TMEM260: variants seen among roughly 807,000 people sequenced by gnomAD.
The protein encoded by TMEM260 is transmembrane protein 260, also known as protein O-mannosyl-transferase TMEM260.
TMEM260 carries 82 observed loss-of-function variants against 88.9 expected under a neutral mutation model. That is an observed-to-expected ratio of 0.92 (90% CI 0.77 to 1.11). The LOEUF is 1.11. TMEM260 is among the 50% of genes least tolerant of loss of function. TMEM260 has a pLI of 0.00. For synonymous variants in TMEM260, 314 were observed against 309.3 expected, an observed-to-expected ratio of 1.02 and a Z score of -0.16; for missense variants, 902 against 853.4, an observed-to-expected ratio of 1.06 and a Z score of -0.71.
At position 56,648,904 on chromosome 14, in the gene TMEM260, C is replaced by G. The variant is rs2297094; in HGVS notation, c.*1407C>G. The G allele has an allele frequency of 0.03, 4,612 of 152,590 alleles. 153 individuals are homozygous for G. Among genetic ancestry groups the G allele is most frequent in the East Asian group, 0.16 (812 of 5,164 alleles). 9.5% of individuals were successfully genotyped at this position (152,590 alleles called of 1,614,324 possible). ...TTGACAGGGCCTTGACTGCACAATT[C>G]GAGCTGAATTTGCCCCTTGTCAGCT... On this transcript the variant is annotated 3_prime_UTR_variant, in exon 16 of 16. Coordinates refer to ENST00000261556, the MANE Select transcript of TMEM260 (RefSeq NM_017799.4).
At chr14:56,599,773 CAG>C (rs1886456786) in intron 3 of TMEM260, among the ~76,000 whole-genome samples, 1 of 152,120 alleles carries the variant, frequency 6.6e-6, no homozygotes, top group African/African-American at 2.4e-5. Context: ...TCTTTGGAAA[CAG>C]AATCAATTAA....
rs777336375 is a variant in TMEM260 at position 56,615,976 on chromosome 14, C to G, written c.890C>G (p.Ser297Ter). The change falls in exon 8 of 16, where the codon TCA becomes TGA. Residue 297 changes from serine (S) to a stop codon, truncating the protein, a stop_gained. Transcript: ENST00000261556. LOFTEE classifies it high-confidence loss of function. ...SQVTNMRTEL[S>*]FNIQALAVCA... ...GTAACAAATATGAGGACCGAACTCT[C>G]ATTCAACATCCAAGCCCTTGCAGTT... is the stretch of plus-strand genomic sequence containing the variant. 2.5e-6 allele frequency: 4 copies of G among 1,613,296 alleles called. No homozygotes were observed. In the South Asian group the frequency reaches 4.4e-5, roughly 18 times the overall value.
At chr14:56,608,832 G>T (rs1257568510) in intron 5 of TMEM260, among the ~76,000 whole-genome samples, 1 of 152,168 alleles carries the variant, frequency 6.6e-6, no homozygotes, top group East Asian at 1.9e-4. Context: ...TTAAATGTAA[G>T]TGATGCAATA....
At chr14:56,608,384 A>G (rs1887045419) in intron 5 of TMEM260, among the ~76,000 whole-genome samples, 1 of 152,226 alleles carries the variant, frequency 6.6e-6, no homozygotes, top group South Asian at 2.1e-4. Context: ...AATATATCAG[A>G]ATTCATATTA....
At chr14:56,622,574 C>CAAAA (rs2139601305) in intron 11 of TMEM260, among the ~76,000 whole-genome samples, 1 of 151,808 alleles carries the variant, frequency 6.6e-6, no homozygotes, top group South Asian at 2.1e-4. Context: ...TAAGAGAGGA[C>CAAAA]TTGTGAAAAT....
intron 3 of TMEM260, among the ~76,000 whole-genome samples, chr14:56,596,794 A>AAAAAATGT (rs59623466): frequency 7.3e-6 from 1 of 136,298 alleles, no homozygotes; most frequent in African/African-American, 2.8e-5. Context: ...TAAAAAAAAA[A>AAAAAATGT]ATATATATAT....
rs35019348 is a variant in TMEM260, at chr14:56,613,895, C to CAAAAAAAAAAAAAAAAAAAA, written c.857+1625_857+1626insAAAAAAAAAAAAAAAAAAAA. 8 of 133,196 alleles carry CAAAAAAAAAAAAAAAAAAAA rather than the reference C, an allele frequency of 6.0e-5. No individual in the cohort carries two copies. The East Asian group carries it at 2.1e-3, about 34-fold the overall frequency. 8.3% of individuals were successfully genotyped at this position (133,196 alleles called of 1,614,324 possible). A position where few individuals can be genotyped will look rare whatever the true frequency, so the allele number is the denominator to read the frequency against. ...GGCAACATAGTGAGACCCGTCTCTG[C>CAAAAAAAAAAAAAAAAAAAA]AAAAAAAAAAAAAAATTTTTTTTTT... On this transcript the variant is annotated intron_variant, in intron 7 of 15. Coordinates refer to ENST00000261556, the MANE Select transcript of TMEM260 (RefSeq NM_017799.4).
At chr14:56,634,802 A>T (rs1888901913) in intron 13 of TMEM260, 97 bp from the exon 14 acceptor site, 2 of 1,061,692 alleles carry the variant, frequency 1.9e-6, no homozygotes, top group East Asian at 4.8e-5. Flanking sequence ...AGATCGCACC[A>T]TTGCATTCCA....
chr14:56,604,242 CCT>C lies in TMEM260; in HGVS notation c.522+251_522+252del, dbSNP rs369907468. Among the ~76,000 whole-genome samples, 647 of 151,936 alleles carry C rather than the reference CCT, an allele frequency of 4.3e-3. 6 individuals carry two copies. The highest frequency in any genetic ancestry group is 0.015 in the African/African-American group (629 of 41,450). On this transcript the variant is annotated intron_variant, in intron 4 of 15. Transcript: ENST00000261556. Reference sequence around the variant, plus strand: ...GGAGAATTAGAGGATTATAAAATCCCCTGTGTGTCCGGTGGGAAAGATAGGCT... The same window carrying C: ...GGAGAATTAGAGGATTATAAAATCCCGTGTGTCCGGTGGGAAAGATAGGCT...
chr14:56,582,964 A>G lies in TMEM260; in HGVS notation c.161-2037A>G, dbSNP rs145117955. On this transcript the variant is annotated intron_variant, in intron 1 of 15. Coordinates refer to ENST00000261556, the MANE Select transcript of TMEM260 (RefSeq NM_017799.4). ...TCTTTATAGCAGCAGAAGTCTGGCAAATAATAACAGCACACTGACTTTTCC... is the reference window on the plus strand; with the variant it reads ...TCTTTATAGCAGCAGAAGTCTGGCAGATAATAACAGCACACTGACTTTTCC... Among the ~76,000 whole-genome samples, 1,009 of 152,308 alleles carry G rather than the reference A, an allele frequency of 6.6e-3. 2 individuals carry two copies. Among genetic ancestry groups the G allele is most frequent in the Non-Finnish European group, 0.011 (750 of 68,018 alleles).
chr14:56,627,444 T>C (rs1479136720), intron 12 of TMEM260, among the ~76,000 whole-genome samples: 4 of 152,182 alleles, frequency 2.6e-5, no homozygotes, highest in Non-Finnish European at 5.9e-5. Context: ...ACATGTACTG[T>C]AATTTAAAAA....
At chr14:56,660,182 T>TA in the TMEM260 span, among the ~76,000 whole-genome samples, 1 of 152,202 alleles carries the variant, frequency 6.6e-6, no homozygotes, top group Non-Finnish European at 1.5e-5. Context: ...GTTGGTGACT[T>TA]AGCAACTGAT....
Position 56,582,800 on chromosome 14 carries a change from A to G in TMEM260, c.161-2201A>G, listed in dbSNP as rs79210027. Among the ~76,000 whole-genome samples the G allele has an allele frequency of 7.1e-3, 1,083 of 152,276 alleles. 18 individuals are homozygous for G. Among genetic ancestry groups the G allele is most frequent in the African/African-American group, 0.025 (1,036 of 41,562 alleles). On this transcript the variant is annotated intron_variant, in intron 1 of 15. Coordinates refer to ENST00000261556, the MANE Select transcript of TMEM260 (RefSeq NM_017799.4). ...TACTATTCCCTTCCTCTTTATCACA[A>G]TCAATTTAAGAGTAGTATTTCCCTT...
intron 3 of TMEM260, among the ~76,000 whole-genome samples, chr14:56,589,255 G>A (rs192069021): frequency 2.6e-5 from 4 of 152,168 alleles, no homozygotes; most frequent in East Asian, 3.9e-4. Context: ...GGTATATGTC[G>A]TGTCATTTAT....
rs1207235698 is a variant in TMEM260, at chr14:56,585,086, TAAG to T, written c.192+57_192+59del. On this transcript the variant is annotated intron_variant, in intron 2 of 15. Transcript: ENST00000261556. ...TGCTCTCATTAACAGTTTTAGGAAT[TAAG>T]AAAGTTTAATTAAGCATGGAGTAAA... 82 of 1,526,528 alleles carry T rather than the reference TAAG, an allele frequency of 5.4e-5. No individual in the cohort carries two copies. In the East Asian group the frequency reaches 1.7e-3, roughly 31 times the overall value. 94.6% of individuals were successfully genotyped at this position (1,526,528 alleles called of 1,614,324 possible). A position where few individuals can be genotyped will look rare whatever the true frequency, so the allele number is the denominator to read the frequency against.
intron 3 of TMEM260, 72 bp from the exon 4 acceptor site, chr14:56,603,743 A>C (rs1886716052): frequency 6.4e-7 from 1 of 1,557,338 alleles, no homozygotes; most frequent in Non-Finnish European, 8.8e-7. Context: ...CTGCTGGTAC[A>C]GTTTACCAAA....
chr14:56,634,205 C>CT (rs1888850344), intron 13 of TMEM260, among the ~76,000 whole-genome samples: 1 of 152,302 alleles, frequency 6.6e-6, no homozygotes, highest in East Asian at 1.9e-4. Flanking sequence ...CAGGAGTCCC[C>CT]TCTCTTCAGG....
chr14:56,628,592 T>C (rs145395622), intron 12 of TMEM260, among the ~76,000 whole-genome samples: 111 of 152,292 alleles, frequency 7.3e-4, no homozygotes, highest in African/African-American at 2.6e-3. Context: ...CTTTCTTCAT[T>C]GCATTGTATT....
At chr14:56,634,503 T>C (rs934511417) in intron 13 of TMEM260, among the ~76,000 whole-genome samples, 4 of 152,236 alleles carry the variant, frequency 2.6e-5, no homozygotes, top group Admixed American at 2.0e-4. Flanking sequence ...ATTCATCTTA[T>C]TGGCCTTGTC....
Sources: allele counts gnomAD v4.1 joint callset (sites outside exome capture counted in the v4.1 genomes callset), GRCh38; gene constraint gnomAD v4.1.1; transcripts MANE v1.5; gene names NCBI Gene and HGNC (gene_info 2026-07-23, HGNC 2026-07-21).